DOCK3: variants seen among roughly 807,000 people sequenced by gnomAD.
DOCK3 encodes the protein dedicator of cytokinesis 3.
A neutral mutation model predicts 265.6 loss-of-function variants in DOCK3; 60 were observed. That is an observed-to-expected ratio of 0.23 (90% CI 0.18 to 0.28). The LOEUF (loss-of-function observed/expected upper bound fraction) is 0.28, where lower values mean the gene tolerates loss of function less well. Among genes scored for constraint, DOCK3 ranks in the 10% least tolerant of loss-of-function variants. The pLI, the probability that DOCK3 is intolerant of heterozygous loss-of-function variation, is 1.00. For synonymous variants in DOCK3, 881 were observed against 938.0 expected, an observed-to-expected ratio of 0.94 and a Z score of 1.11; for missense variants, 1,981 against 2,594.3, an observed-to-expected ratio of 0.76 and a Z score of 5.14.
At chr3:51,075,285 T>A in intron 6 of DOCK3, 71 bp from the exon 7 acceptor site, 4 of 1,344,276 alleles carry the variant, frequency 3.0e-6, no homozygotes, top group Non-Finnish European at 3.1e-6. Context: ...AGGTATGGGT[T>A]CCCAGGCACA....
In DOCK3 at chr3:51,158,554, GAAGA is replaced by G. The variant is rs200646292; in HGVS notation, c.829-675_829-672del. On this transcript the variant is annotated intron_variant, in intron 10 of 52. Coordinates refer to ENST00000266037, the MANE Select transcript of DOCK3 (RefSeq NM_004947.5). ...CAAGATCTTGTTTTTTAAAGAAAAG[GAAGA>G]AAGAAAGAAAGAAAAAGGAATGATT... 3.9e-3 allele frequency among the ~76,000 whole-genome samples: 586 copies of G among 152,138 alleles called. 18 individuals are homozygous for G. Among genetic ancestry groups the G allele is most frequent in the Admixed American group, 0.033 (510 of 15,264 alleles).
chr3:50,994,436 T>C (rs2078211597), intron 5 of DOCK3, among the ~76,000 whole-genome samples: 1 of 152,198 alleles, frequency 6.6e-6, no homozygotes, highest in African/African-American at 2.4e-5. Context: ...TTCACAGCTA[T>C]AGAGTGATGG....
In DOCK3 at chr3:51,022,487, T is replaced by G. The variant is rs191330725; in HGVS notation, c.316-41961T>G. ...GCTTCTGCTCCATTTTTCTTTCTTC[T>G]CTTTCTGGAACTCCAGTTACATGTG... On this transcript the variant is annotated intron_variant, in intron 5 of 52. Transcript: ENST00000266037. Among the ~76,000 whole-genome samples, 10 of 152,318 alleles carry G rather than the reference T, an allele frequency of 6.6e-5. No individual in the cohort carries two copies. The East Asian group carries it at 1.9e-3, about 29-fold the overall frequency.
chr3:51,135,863 A>G (rs1409753312), intron 9 of DOCK3, among the ~76,000 whole-genome samples: 2 of 152,036 alleles, frequency 1.3e-5, no homozygotes, highest in Non-Finnish European at 2.9e-5. Flanking sequence ...AATGTATACC[A>G]TCATGTCCAG....
intron 1 of DOCK3, among the ~76,000 whole-genome samples, chr3:50,702,731 CT>C (rs765956940): frequency 1.3e-3 from 189 of 145,590 alleles, no homozygotes; most frequent in Middle Eastern, 3.6e-3. Context: ...TGTTCTAAGA[CT>C]TTTTTTTTTT....
chr3:50,995,815 G>T (rs1486475029), intron 5 of DOCK3, among the ~76,000 whole-genome samples: 1 of 152,156 alleles, frequency 6.6e-6, no homozygotes, highest in Non-Finnish European at 1.5e-5. Flanking sequence ...AGAATGTCAG[G>T]CATTGGTCCT....
intron 5 of DOCK3, among the ~76,000 whole-genome samples, chr3:51,063,738 A>G (rs915599750): frequency 1.3e-5 from 2 of 152,206 alleles, no homozygotes; most frequent in African/African-American, 4.8e-5. Context: ...TGAAGCATCT[A>G]TTCTCATGAC....
intron 9 of DOCK3, among the ~76,000 whole-genome samples, chr3:51,144,432 C>G (rs906616328): frequency 3.9e-5 from 6 of 152,214 alleles, no homozygotes; most frequent in African/African-American, 7.2e-5. Context: ...CTTTCAGACA[C>G]TTTCTTCACT....
At chr3:51,318,801 A>C (rs996204892) in intron 32 of DOCK3, among the ~76,000 whole-genome samples, 1 of 152,138 alleles carries the variant, frequency 6.6e-6, no homozygotes, top group African/African-American at 2.4e-5. Context: ...TTCAATTAAA[A>C]TGTTCCACTT....
At chr3:51,326,283 C>G (rs1011898960) in intron 32 of DOCK3, among the ~76,000 whole-genome samples, 19 of 147,664 alleles carry the variant, frequency 1.3e-4, no homozygotes, top group South Asian at 2.1e-4. Context: ...TTTTTTGAGA[C>G]GGAGTCTCGC....
intron 23 of DOCK3, among the ~76,000 whole-genome samples, chr3:51,266,191 A>G (rs1028898379): frequency 6.6e-6 from 1 of 152,236 alleles, no homozygotes; most frequent in Admixed American, 6.5e-5. Context: ...ACACAGACAA[A>G]TGGAAAAACA....
intron 5 of DOCK3, among the ~76,000 whole-genome samples, chr3:50,950,978 T>G (rs1276081606): frequency 6.6e-6 from 1 of 151,422 alleles, no homozygotes; most frequent in Non-Finnish European, 1.5e-5. Flanking sequence ...CTCTCTCTCC[T>G]GTGATATTCC....
chr3:51,161,576 C>G (rs1197614254), intron 12 of DOCK3, among the ~76,000 whole-genome samples: 1 of 152,188 alleles, frequency 6.6e-6, no homozygotes, highest in Non-Finnish European at 1.5e-5. Flanking sequence ...TCATTTGGGA[C>G]CTTCTATCCC....
chr3:50,970,739 T>A (rs576170244), intron 5 of DOCK3, among the ~76,000 whole-genome samples: 93 of 147,802 alleles, frequency 6.3e-4, no homozygotes, highest in African/African-American at 1.9e-3. Context: ...TTTTTTTTTT[T>A]AATTTAAAAC....
At chr3:50,752,534 T>G (rs1276845877) in intron 1 of DOCK3, among the ~76,000 whole-genome samples, 1 of 135,884 alleles carries the variant, frequency 7.4e-6, no homozygotes, top group Non-Finnish European at 1.5e-5. Flanking sequence ...CAAAAACAAC[T>G]GGGAGGCCAA....
chr3:50,884,609 A>T (rs188575329), intron 3 of DOCK3, among the ~76,000 whole-genome samples: 48 of 152,186 alleles, frequency 3.2e-4, no homozygotes, highest in African/African-American at 1.1e-3. Flanking sequence ...CAAAGTGACT[A>T]TGTTGTAACT....
intron 1 of DOCK3, among the ~76,000 whole-genome samples, chr3:50,701,438 G>A (rs1332110676): frequency 6.6e-6 from 1 of 152,024 alleles, no homozygotes; most frequent in Admixed American, 6.6e-5. Context: ...ACTTTTTAAT[G>A]GGATTATTTG....
At chr3:50,689,600 A>G (rs1397973835) in intron 1 of DOCK3, among the ~76,000 whole-genome samples, 1 of 152,276 alleles carries the variant, frequency 6.6e-6, no homozygotes, top group East Asian at 1.9e-4. Context: ...ATAATTCAAG[A>G]TACGATTTGG....
chr3:51,027,490 C>A (rs1232299505), intron 5 of DOCK3, among the ~76,000 whole-genome samples: 1 of 151,874 alleles, frequency 6.6e-6, no homozygotes, highest in Admixed American at 6.6e-5. Context: ...TCCAGAATTT[C>A]TTTGTTAGTT....
Sources: gnomAD v4.1 joint callset for allele counts (sites outside exome capture counted in the v4.1 genomes callset) on GRCh38, gnomAD v4.1.1 for gene constraint, MANE v1.5 for transcripts, NCBI Gene and HGNC (gene_info 2026-07-23, HGNC 2026-07-21) for gene names.